CAMK1D: variants seen among roughly 807,000 people sequenced by gnomAD.
The protein encoded by CAMK1D is calcium/calmodulin-dependent protein kinase type 1D.
Under a neutral mutation model 47.7 loss-of-function variants are expected in CAMK1D, and 9 were observed. The observed-to-expected ratio is 0.19, with a 90% CI of 0.11 to 0.33. The LOEUF (loss-of-function observed/expected upper bound fraction) is 0.33. Ranked by LOEUF, CAMK1D falls within the 10% of genes least tolerant of loss-of-function variation. CAMK1D has a pLI of 1.00. For missense variants in CAMK1D, 291 were observed against 488.7 expected, an observed-to-expected ratio of 0.60 and a Z score of 3.81; for synonymous variants, 184 against 184.9, an observed-to-expected ratio of 0.99 and a Z score of 0.04.
At chr10:12,754,448 A>C (rs911163106) in intron 3 of CAMK1D, among the ~76,000 whole-genome samples, 1 of 152,244 alleles carries the variant, frequency 6.6e-6, no homozygotes, top group South Asian at 2.1e-4. Context: ...AACAAAGCAC[A>C]ATAAAGTAGC....
At chr10:12,522,795 C>A (rs1393790417) in intron 1 of CAMK1D, among the ~76,000 whole-genome samples, 2 of 143,954 alleles carry the variant, frequency 1.4e-5, no homozygotes, top group East Asian at 4.3e-4. Context: ...CGCCCACCAC[C>A]TCCCAGACGG....
intron 3 of CAMK1D, among the ~76,000 whole-genome samples, chr10:12,699,979 G>C (rs1282900194): frequency 1.3e-5 from 2 of 151,070 alleles, no homozygotes; most frequent in South Asian, 2.1e-4. Context: ...TAGCAAGCTA[G>C]TACACATTTA....
chr10:12,676,912 G>T (rs1840827663), intron 3 of CAMK1D, among the ~76,000 whole-genome samples: 1 of 152,140 alleles, frequency 6.6e-6, no homozygotes, highest in African/African-American at 2.4e-5. Context: ...GAACAATCTT[G>T]TTCCATTTAC....
At chr10:12,726,918 C>T (rs1426339449) in intron 3 of CAMK1D, among the ~76,000 whole-genome samples, 3 of 152,244 alleles carry the variant, frequency 2.0e-5, no homozygotes, top group Non-Finnish European at 4.4e-5. Context: ...TTGAACCCAG[C>T]CCCCTCAGGC....
intron 2 of CAMK1D, among the ~76,000 whole-genome samples, chr10:12,606,759 C>T (rs78149320): frequency 0.011 from 1,702 of 152,276 alleles, 32 homozygotes; most frequent in African/African-American, 0.039. Flanking sequence ...TATTATCATT[C>T]GCAAAGTGTA....
At chr10:12,567,083 A>G (rs1251773926) in intron 2 of CAMK1D, among the ~76,000 whole-genome samples, 2 of 152,200 alleles carry the variant, frequency 1.3e-5, no homozygotes, top group Non-Finnish European at 2.9e-5. Context: ...ATTGTGGCCC[A>G]GTGTGCCAGT....
intron 6 of CAMK1D, among the ~76,000 whole-genome samples, chr10:12,794,041 C>T (rs756357998): frequency 1.8e-4 from 27 of 152,080 alleles, no homozygotes; most frequent in Non-Finnish European, 3.1e-4. Context: ...GATTTACGTT[C>T]GAGTATTATC....
At chr10:12,643,496 T>G (rs1370606469) in intron 2 of CAMK1D, among the ~76,000 whole-genome samples, 1 of 152,168 alleles carries the variant, frequency 6.6e-6, no homozygotes, top group Non-Finnish European at 1.5e-5. Flanking sequence ...CCGCCTCCTG[T>G]CCTATCAGTG....
chr10:12,510,790 G>A (rs1431284550), intron 1 of CAMK1D, among the ~76,000 whole-genome samples: 5 of 152,220 alleles, frequency 3.3e-5, no homozygotes, highest in Non-Finnish European at 7.3e-5. Flanking sequence ...CTGGATTCCT[G>A]TGAATTCATT....
chr10:12,365,371 TTATAG>T (rs1425159370), intron 1 of CAMK1D, among the ~76,000 whole-genome samples: 1 of 152,172 alleles, frequency 6.6e-6, no homozygotes, highest in Non-Finnish European at 1.5e-5. Context: ...TTGGTATATA[TTATAG>T]TAAAGACCTC....
At chr10:12,372,384 C>G (rs1838031079) in intron 1 of CAMK1D, among the ~76,000 whole-genome samples, 1 of 152,182 alleles carries the variant, frequency 6.6e-6, no homozygotes, top group African/African-American at 2.4e-5. Context: ...TCACATAGAC[C>G]TATCTGTCTT....
chr10:12,507,397 T>C (rs1462850657), intron 1 of CAMK1D, among the ~76,000 whole-genome samples: 1 of 152,240 alleles, frequency 6.6e-6, no homozygotes, highest in Non-Finnish European at 1.5e-5. Context: ...GGAAGCACCC[T>C]TTTTGTTTTT....
At chr10:12,763,319 G>A (rs924283525) in intron 4 of CAMK1D, among the ~76,000 whole-genome samples, 1 of 152,216 alleles carries the variant, frequency 6.6e-6, no homozygotes, top group Non-Finnish European at 1.5e-5. Context: ...AATAGAGAGA[G>A]GATGATCGTG....
chr10:12,683,088 A>ATTT (rs63493960), intron 3 of CAMK1D, among the ~76,000 whole-genome samples: 4 of 134,886 alleles, frequency 3.0e-5, no homozygotes, highest in East Asian at 4.3e-4. Context: ...CACCCAGCTA[A>ATTT]TTTTTTTTTT....
At chr10:12,815,784 G>T (rs1396061938) in intron 7 of CAMK1D, among the ~76,000 whole-genome samples, 1 of 152,248 alleles carries the variant, frequency 6.6e-6, no homozygotes, top group African/African-American at 2.4e-5. Context: ...GCCACACATG[G>T]TGCTTTCTGG....
chr10:12,397,498 T>G (rs540012638), intron 1 of CAMK1D, among the ~76,000 whole-genome samples: 76 of 152,328 alleles, frequency 5.0e-4, no homozygotes, highest in African/African-American at 1.7e-3. Flanking sequence ...TCCCCAGTCC[T>G]AACTCTAGCC....
chr10:12,644,020 C>A (rs1038422175), intron 2 of CAMK1D, among the ~76,000 whole-genome samples: 1 of 152,106 alleles, frequency 6.6e-6, no homozygotes, highest in East Asian at 1.9e-4. Flanking sequence ...AGAATTATTT[C>A]ATTATACATT....
chr10:12,391,269 C>T (rs530862831), intron 1 of CAMK1D, among the ~76,000 whole-genome samples: 2 of 152,184 alleles, frequency 1.3e-5, no homozygotes, highest in Admixed American at 6.5e-5. Context: ...GCTTTTTTTT[C>T]TCTGATTAAA....
chr10:12,801,391 T>TATCTATCCATCC (rs1242051924), intron 6 of CAMK1D, among the ~76,000 whole-genome samples: 1 of 145,356 alleles, frequency 6.9e-6, no homozygotes, highest in Non-Finnish European at 1.5e-5. Context: ...TCTATCTATC[T>TATCTATCCATCC]ATCCATCCAT....
Sources: gnomAD v4.1 joint callset for allele counts (sites outside exome capture counted in the v4.1 genomes callset) on GRCh38, gnomAD v4.1.1 for gene constraint, MANE v1.5 for transcripts, NCBI Gene and HGNC (gene_info 2026-07-23, HGNC 2026-07-21) for gene names.